ANK2: variants seen among roughly 807,000 people sequenced by gnomAD.
ANK2 encodes ankyrin-2.
A neutral mutation model predicts 360.5 loss-of-function variants in ANK2; 83 were observed. The ratio of observed to expected loss-of-function variants is 0.23; its 90% confidence interval spans 0.19 to 0.28. The LOEUF is 0.28. ANK2 is among the 10% of genes least tolerant of loss of function. The probability of loss-of-function intolerance (pLI) is 1.00; values close to 1 mark genes in which losing one functional copy is unlikely to be tolerated. For missense variants in ANK2, 4,201 were observed against 4,795.7 expected (o/e 0.88, Z 3.66); for synonymous variants, 1,740 against 1,759.5 (o/e 0.99, Z 0.28).
At chr4:113,045,167 G>C (rs79678539), upstream of ANK2, among the ~76,000 whole-genome samples, 532 of 152,236 alleles carry the variant, frequency 3.5e-3, 27 homozygotes, top group East Asian at 0.095. Context: ...TAGTGTGTTA[G>C]AGTTCTTAAT....
chr4:113,359,155 G>T lies in ANK2; in HGVS notation c.10537G>T (p.Val3513Leu). The change falls in exon 38 of 46, where the codon GTA (valine) becomes TTA (leucine). Residue 3513 changes from valine (V) to leucine (L), a missense_variant. By Grantham distance (32) the Val-to-Leu change is conservative. This residue lies in a region of ANK2 where 2,642 missense variants were observed against 2,714.5 expected (regional missense o/e 0.97). Transcript: ENST00000357077. ...CGATGAAAGTAGTAGTGCCCTGGAA[G>T]TATCAGTAATTGAAAATCTGCCACC... The part of the protein sequence containing the change: ...SDDESSSALE[V>L]SVIENLPPVE... The T allele has an allele frequency of 6.2e-7, 1 of 1,613,546 alleles. No homozygotes were observed. The highest frequency in any genetic ancestry group is 1.1e-5 in the South Asian group (1 of 91,056).
intron 1 of ANK2, among the ~76,000 whole-genome samples, chr4:112,875,928 T>C (rs967741244): frequency 6.6e-6 from 1 of 151,388 alleles, no homozygotes; most frequent in African/African-American, 2.4e-5. Flanking sequence ...TTTCTTTTTT[T>C]TTTTTTTTTA....
the ANK2 span, among the ~76,000 whole-genome samples, chr4:112,736,112 C>A: frequency 6.6e-6 from 1 of 152,090 alleles, no homozygotes; most frequent in African/African-American, 2.4e-5. Context: ...TTTTTATAAT[C>A]CCTTGCCTAA....
chr4:112,822,099 C>A (rs912111754), intron 1 of ANK2, among the ~76,000 whole-genome samples: 2 of 151,880 alleles, frequency 1.3e-5, no homozygotes, highest in African/African-American at 4.8e-5. Context: ...TTCATGGTGA[C>A]ATATTTAAAA....
At chr4:113,057,976 C>T (rs1032296552) in intron 1 of ANK2, among the ~76,000 whole-genome samples, 3 of 152,136 alleles carry the variant, frequency 2.0e-5, no homozygotes, top group Admixed American at 1.3e-4. Context: ...TGAGTTTGCT[C>T]TGGATCTTCT....
upstream of ANK2, among the ~76,000 whole-genome samples, chr4:113,046,941 GA>G (rs2064665466): frequency 6.6e-6 from 1 of 152,214 alleles, no homozygotes; most frequent in East Asian, 1.9e-4. Flanking sequence ...TTGCATTGCA[GA>G]GGTGATGTCC....
At chr4:113,002,354 T>G (rs979448967) in intron 2 of ANK2, among the ~76,000 whole-genome samples, 1 of 152,214 alleles carries the variant, frequency 6.6e-6, no homozygotes, top group Non-Finnish European at 1.5e-5. Flanking sequence ...AAATGTGGCA[T>G]GTATACACCA....
At chr4:113,230,055 T>C (rs2099273130) in intron 4 of ANK2, among the ~76,000 whole-genome samples, 1 of 152,202 alleles carries the variant, frequency 6.6e-6, no homozygotes. Flanking sequence ...TTCCGCCACC[T>C]CTTCAGTGTT....
chr4:112,813,799 G>C (rs1273906063), upstream of ANK2, among the ~76,000 whole-genome samples: 4 of 152,216 alleles, frequency 2.6e-5, no homozygotes, highest in East Asian at 7.7e-4. Context: ...GCCACCCAAA[G>C]TGTTAGGATT....
intron 23 of ANK2, among the ~76,000 whole-genome samples, chr4:113,308,839 G>T (rs1370336812): frequency 2.0e-5 from 3 of 152,130 alleles, no homozygotes; most frequent in Non-Finnish European, 4.4e-5. Flanking sequence ...AGGAGAGAAG[G>T]TTGAAGATGA....
chr4:112,973,723 T>G (rs2040403392), intron 2 of ANK2, among the ~76,000 whole-genome samples: 1 of 152,218 alleles, frequency 6.6e-6, no homozygotes, highest in African/African-American at 2.4e-5. Context: ...TATTGTTTCT[T>G]CAGTCCAAAT....
intron 45 of ANK2, among the ~76,000 whole-genome samples, chr4:113,377,046 A>G (rs1006918095): frequency 2.0e-5 from 3 of 152,116 alleles, no homozygotes; most frequent in Admixed American, 1.3e-4. Flanking sequence ...TAATAAGTAA[A>G]AGAGTACACT....
chr4:113,151,546 T>A (rs900580170), intron 1 of ANK2, among the ~76,000 whole-genome samples: 1 of 152,158 alleles, frequency 6.6e-6, no homozygotes. Flanking sequence ...AAGCCATTCA[T>A]GAGGGTCCAC....
chr4:113,094,864 C>T (rs2090309245), intron 1 of ANK2, among the ~76,000 whole-genome samples: 1 of 152,134 alleles, frequency 6.6e-6, no homozygotes. Flanking sequence ...AGTCACAAAG[C>T]ATTGTTTTTG....
chr4:113,085,083 A>G (rs1176650822), intron 1 of ANK2, among the ~76,000 whole-genome samples: 3 of 152,200 alleles, frequency 2.0e-5, no homozygotes, highest in African/African-American at 7.2e-5. Flanking sequence ...GACTGGATCT[A>G]TCTGGACACT....
intron 2 of ANK2, among the ~76,000 whole-genome samples, chr4:112,987,874 T>C (rs990249167): frequency 1.3e-5 from 2 of 152,110 alleles, no homozygotes; most frequent in Non-Finnish European, 2.9e-5. Flanking sequence ...TTTGTAACAA[T>C]TTTTAGGAAT....
chr4:113,373,833 A>G (rs2096831648), intron 45 of ANK2, among the ~76,000 whole-genome samples: 1 of 152,246 alleles, frequency 6.6e-6, no homozygotes, highest in Admixed American at 6.5e-5. Context: ...TTGGCACACC[A>G]GCCTTCAGAA....
At chr4:113,293,603 C>A in intron 22 of ANK2, 65 bp downstream of exon 22, 1 of 1,436,756 alleles carries the variant, frequency 7.0e-7, no homozygotes, top group South Asian at 1.2e-5. Flanking sequence ...AATACATGTA[C>A]AGTACTTTTT....
At chr4:112,842,698 A>G (rs916403705) in intron 1 of ANK2, among the ~76,000 whole-genome samples, 4 of 152,222 alleles carry the variant, frequency 2.6e-5, no homozygotes, top group African/African-American at 9.6e-5. Flanking sequence ...TCGCTGGCCC[A>G]CTGGCCGCTC....
Sources: allele counts gnomAD v4.1 joint callset (sites outside exome capture counted in the v4.1 genomes callset), GRCh38; gene constraint gnomAD v4.1.1; regional missense constraint gnomAD v4.1.1; transcripts MANE v1.5; gene names NCBI Gene and HGNC (gene_info 2026-07-23, HGNC 2026-07-21).